Variants in VXN observed in about 807,000 individuals in gnomAD.
VXN encodes the protein uncharacterized protein C8orf46.
Under a neutral mutation model 23.1 loss-of-function variants are expected in VXN, and 7 were observed. The ratio of observed to expected loss-of-function variants is 0.30; its 90% CI spans 0.17 to 0.57. The LOEUF (loss-of-function observed/expected upper bound fraction) is 0.57. Among genes scored for constraint, VXN ranks in the 20% least tolerant of loss-of-function variants. The pLI, the probability that VXN is intolerant of heterozygous loss-of-function variation, is 0.91. For synonymous variants in VXN, 120 were observed against 105.8 expected (o/e 1.13, Z -0.83); for missense variants, 238 against 272.6 (o/e 0.87, Z 0.89).
intron 4 of VXN, 80 bp from the exon 5 acceptor site, chr8:66,513,460 C>G: frequency 8.6e-7 from 1 of 1,164,242 alleles, no homozygotes. Context: ...TTCAGTCCCC[C>G]CACTTGCAGA....
Sources: gnomAD v4.1 joint callset for allele counts on GRCh38, gnomAD v4.1.1 for gene constraint, MANE v1.5 for transcripts, NCBI Gene and HGNC (gene_info 2026-07-23, HGNC 2026-07-21) for gene names.